Variants in SNRPN observed in about 807,000 individuals in gnomAD.
SNRPN encodes the protein small nuclear ribonucleoprotein polypeptide N.
Under a neutral mutation model 25.2 loss-of-function variants are expected in SNRPN, and 7 were observed. That is an observed-to-expected ratio of 0.28 (90% CI 0.16 to 0.52). The LOEUF (loss-of-function observed/expected upper bound fraction) is 0.52, where lower values mean the gene tolerates loss of function less well. Ranked by LOEUF, SNRPN falls within the 20% of genes least tolerant of loss-of-function variation. SNRPN has a pLI of 0.96. For missense variants in SNRPN, 196 were observed against 322.5 expected, an observed-to-expected ratio of 0.61 and a Z score of 3.00; for synonymous variants, 124 against 110.6, an observed-to-expected ratio of 1.12 and a Z score of -0.76.
intron 1 of SNRPN, among the ~76,000 whole-genome samples, chr15:24,886,040 A>G (rs2057177810): frequency 6.6e-6 from 1 of 151,602 alleles, no homozygotes; most frequent in African/African-American, 2.4e-5. Context: ...AAAAAATTTT[A>G]TTCTTAACCA....
At chr15:24,958,509 T>TAAAA (rs2074239013) in intron 1 of SNRPN, among the ~76,000 whole-genome samples, 1 of 140,074 alleles carries the variant, frequency 7.1e-6, no homozygotes, top group African/African-American at 2.7e-5. Flanking sequence ...TTTTTTTTTT[T>TAAAA]TTTTTTTTTT....
rs1418767384 is a variant in SNRPN, at chr15:24,978,531, C to T, written c.*87C>T. The T allele has an allele frequency of 7.9e-6, 9 of 1,139,122 alleles. No homozygotes were observed. Among genetic ancestry groups the T allele is most frequent in the Non-Finnish European group, 1.2e-5 (9 of 751,590 alleles). The allele number at this position is 1,139,122 out of a possible 1,614,324, so 70.6% of individuals were successfully genotyped here. A position where few individuals can be genotyped will look rare whatever the true frequency, so the allele number is the denominator to read the frequency against. ...AGTGTTTGTGAGCTTTTTGTTCCCT[C>T]ATTCTGCATTAATAATAGCTAATAA... On this transcript the variant is annotated 3_prime_UTR_variant, in exon 10 of 10. Coordinates refer to ENST00000390687, the MANE Select transcript of SNRPN (RefSeq NM_003097.6).
chr15:24,898,105 A>G (rs558422152), intron 2 of SNRPN, among the ~76,000 whole-genome samples: 1 of 152,344 alleles, frequency 6.6e-6, no homozygotes, highest in South Asian at 2.1e-4. Flanking sequence ...TTGGACTGCT[A>G]ACACCATAGG....
At chr15:24,916,897 A>G (rs2059561385) in intron 2 of SNRPN, among the ~76,000 whole-genome samples, 1 of 152,290 alleles carries the variant, frequency 6.6e-6, no homozygotes, top group Admixed American at 6.5e-5. Flanking sequence ...TATTGTGAAG[A>G]TCGAAAGAAC....
intron 1 of SNRPN, among the ~76,000 whole-genome samples, chr15:24,958,367 C>T (rs1460265014): frequency 6.8e-6 from 1 of 147,842 alleles, no homozygotes; most frequent in Non-Finnish European, 1.5e-5. Flanking sequence ...TTATTTAGAC[C>T]TGTCACTGGT....
intron 3 of SNRPN, among the ~76,000 whole-genome samples, chr15:24,924,796 G>A (rs1042133202): frequency 6.6e-6 from 1 of 151,998 alleles, no homozygotes; most frequent in Non-Finnish European, 1.5e-5. Flanking sequence ...GGCTAGGGGT[G>A]GCATTTCCTG....
At chr15:24,879,659 A>T (rs2056390906) in intron 1 of SNRPN, among the ~76,000 whole-genome samples, 1 of 152,158 alleles carries the variant, frequency 6.6e-6, no homozygotes, top group African/African-American at 2.4e-5. Flanking sequence ...ACAACATCAC[A>T]TATTTTTTTG....
intron 3 of SNRPN, among the ~76,000 whole-genome samples, chr15:24,947,647 CAG>C (rs1276249229): frequency 2.6e-5 from 4 of 152,070 alleles, no homozygotes; most frequent in African/African-American, 9.7e-5. Context: ...AAAACCAAAA[CAG>C]AAAAACATAA....
At chr15:24,917,392 C>G (rs1182472606) in intron 2 of SNRPN, among the ~76,000 whole-genome samples, 1 of 152,160 alleles carries the variant, frequency 6.6e-6, no homozygotes, top group Non-Finnish European at 1.5e-5. Flanking sequence ...TATTTTAAAA[C>G]TCCTATTCCT....
chr15:24,963,617 GAA>G (rs796727910), intron 2 of SNRPN, among the ~76,000 whole-genome samples: 2 of 131,522 alleles, frequency 1.5e-5, no homozygotes. Context: ...TCCATCTCAG[GAA>G]AAAAAAAAAA....
chr15:24,904,258 A>G (rs2058655306), intron 2 of SNRPN, among the ~76,000 whole-genome samples: 1 of 152,192 alleles, frequency 6.6e-6, no homozygotes, highest in Non-Finnish European at 1.5e-5. Flanking sequence ...CACATACTAC[A>G]GTTAACAGTT....
intron 2 of SNRPN, 95 bp downstream of exon 2, chr15:24,962,304 AT>A (rs2153484251): frequency 2.0e-6 from 2 of 986,986 alleles, no homozygotes; most frequent in East Asian, 2.5e-5. Context: ...AATGAACATA[AT>A]TGAAGAAGCA....
intron 2 of SNRPN, among the ~76,000 whole-genome samples, chr15:24,917,348 G>T (rs758036581): frequency 7.2e-5 from 11 of 152,172 alleles, no homozygotes; most frequent in Non-Finnish European, 1.3e-4. Context: ...TTAAATGGAT[G>T]TATGTTTTAT....
At chr15:24,951,422 G>A (rs974493739), upstream of SNRPN, among the ~76,000 whole-genome samples, 1 of 151,402 alleles carries the variant, frequency 6.6e-6, no homozygotes, top group Non-Finnish European at 1.5e-5. Context: ...GTCTTTTCAT[G>A]TGCTTATTGG....
At chr15:24,863,616 T>C (rs911851496) in intron 1 of SNRPN, among the ~76,000 whole-genome samples, 4 of 150,910 alleles carry the variant, frequency 2.7e-5, no homozygotes, top group Admixed American at 2.6e-4. Flanking sequence ...AAATTCCTTA[T>C]TGGTGGATTA....
chr15:24,934,880 T>A (rs559891713), intron 3 of SNRPN, among the ~76,000 whole-genome samples: 69 of 152,264 alleles, frequency 4.5e-4, no homozygotes, highest in African/African-American at 1.6e-3. Flanking sequence ...TATGGCCAGA[T>A]GGGGGCAGGT....
At chr15:24,934,675 C>T (rs1596003190) in intron 3 of SNRPN, among the ~76,000 whole-genome samples, 1 of 152,188 alleles carries the variant, frequency 6.6e-6, no homozygotes, top group Non-Finnish European at 1.5e-5. Context: ...CCTATCTCAG[C>T]CTTCTGAGTA....
At chr15:24,965,785 T>C (rs1218487748) in intron 2 of SNRPN, among the ~76,000 whole-genome samples, 1 of 152,188 alleles carries the variant, frequency 6.6e-6, no homozygotes, top group Non-Finnish European at 1.5e-5. Context: ...TTTCTCAGTC[T>C]TTAATCTTCT....
chr15:24,960,964 T>C (rs530734121), intron 1 of SNRPN, among the ~76,000 whole-genome samples: 1 of 152,188 alleles, frequency 6.6e-6, no homozygotes, highest in African/African-American at 2.4e-5. Context: ...TTTTCATTGT[T>C]TGGATTTTCT....
Sources: allele counts gnomAD v4.1 joint callset (sites outside exome capture counted in the v4.1 genomes callset), GRCh38; gene constraint gnomAD v4.1.1; transcripts MANE v1.5; gene names NCBI Gene and HGNC (gene_info 2026-07-23, HGNC 2026-07-21).